UBAC2: variants seen among roughly 807,000 people sequenced by gnomAD.
The protein encoded by UBAC2 is UBA domain containing 2, also known as ubiquitin-associated domain-containing protein 2.
Under a neutral mutation model 44.0 loss-of-function variants are expected in UBAC2, and 26 were observed. The ratio of observed to expected loss-of-function variants is 0.59; its 90% CI spans 0.43 to 0.82. UBAC2 has a LOEUF of 0.82. Ranked by LOEUF, UBAC2 falls within the 40% of genes least tolerant of loss-of-function variation. UBAC2 has a pLI of 0.00. For synonymous variants in UBAC2, 155 were observed against 154.3 expected, an observed-to-expected ratio of 1.00 and a Z score of -0.04; for missense variants, 329 against 419.4, an observed-to-expected ratio of 0.78 and a Z score of 1.88.
At chr13:99,318,546 C>T (rs12867344) in intron 6 of UBAC2, among the ~76,000 whole-genome samples, 8 of 150,492 alleles carry the variant, frequency 5.3e-5, no homozygotes, top group East Asian at 2.0e-4. Flanking sequence ...CACGGCCAGG[C>T]GCAGTGACTC....
At chr13:99,210,135 G>A (rs989233933) in intron 1 of UBAC2, among the ~76,000 whole-genome samples, 1 of 152,118 alleles carries the variant, frequency 6.6e-6, no homozygotes, top group African/African-American at 2.4e-5. Flanking sequence ...AACGGTCCTA[G>A]CATTTCATTT....
At chr13:99,255,431 T>C (rs1026790669) in intron 4 of UBAC2, 14 of 1,613,988 alleles carry the variant, frequency 8.7e-6, no homozygotes, top group African/African-American at 2.7e-5. Context: ...GTCAGGGTCA[T>C]TATCCAGACT....
rs192583596 is a variant in UBAC2, at chr13:99,306,404, T to G, written c.390-7693T>G. Among the ~76,000 whole-genome samples the G allele has an allele frequency of 1.2e-3, 190 of 152,074 alleles. 1 individual carries two copies. The highest frequency in any genetic ancestry group is 3.7e-3 in the African/African-American group (153 of 41,450). Reference sequence around the variant, plus strand: ...AGCCAGATATTAGGTAACTTGTGTGTGGGGGGGCCACACAGCTTGTAAATT... The same window carrying G: ...AGCCAGATATTAGGTAACTTGTGTGGGGGGGGGCCACACAGCTTGTAAATT... On this transcript the variant is annotated intron_variant, in intron 4 of 8. Transcript: ENST00000403766.
intron 6 of UBAC2, among the ~76,000 whole-genome samples, chr13:99,320,259 T>A (rs2044550510): frequency 6.6e-6 from 1 of 152,222 alleles, no homozygotes; most frequent in African/African-American, 2.4e-5. Context: ...TAAAATTATA[T>A]GTTATGATTA....
At chr13:99,230,227 G>A (rs939577879) in intron 1 of UBAC2, among the ~76,000 whole-genome samples, 1 of 152,162 alleles carries the variant, frequency 6.6e-6, no homozygotes, top group Non-Finnish European at 1.5e-5. Flanking sequence ...ACTTTGGGAG[G>A]CTGAGGTGGG....
intron 4 of UBAC2, chr13:99,296,212 G>A: frequency 7.0e-7 from 1 of 1,421,788 alleles, no homozygotes; most frequent in Non-Finnish European, 9.4e-7. Flanking sequence ...TATGTATTCA[G>A]TTTGATTACT....
At chr13:99,233,807 A>G (rs2142715355) in intron 1 of UBAC2, among the ~76,000 whole-genome samples, 1 of 152,270 alleles carries the variant, frequency 6.6e-6, no homozygotes, top group African/African-American at 2.4e-5. Context: ...TCACGGTAAA[A>G]GGATGGGAGA....
At chr13:99,260,228 C>T (rs1030212648) in intron 4 of UBAC2, among the ~76,000 whole-genome samples, 1 of 152,200 alleles carries the variant, frequency 6.6e-6, no homozygotes, top group Non-Finnish European at 1.5e-5. Context: ...TGCAGGTTTC[C>T]TTAGCACTTG....
chr13:99,232,603 C>A (rs187113723), intron 1 of UBAC2, among the ~76,000 whole-genome samples: 1 of 151,880 alleles, frequency 6.6e-6, no homozygotes, highest in Non-Finnish European at 1.5e-5. Flanking sequence ...AAGAGAGAAA[C>A]GACAGAAATG....
At chr13:99,383,976 C>T (rs539566800) in intron 8 of UBAC2, among the ~76,000 whole-genome samples, 1 of 152,354 alleles carries the variant, frequency 6.6e-6, no homozygotes, top group African/African-American at 2.4e-5. Flanking sequence ...CAGAGTTAGC[C>T]ACTAGGCTGC....
Position 99,321,316 on chromosome 13 carries a change from C to CT in UBAC2, c.561+3253dup, listed in dbSNP as rs1318735562. On this transcript the variant is annotated intron_variant, in intron 6 of 8. Coordinates refer to ENST00000403766, the MANE Select transcript of UBAC2 (RefSeq NM_001144072.2). ...GGTTGATTTATTTTGTTTAGGCTAG[C>CT]TTTTTTGTTTTGGAGACAGGCTCGC... Among the ~76,000 whole-genome samples the CT allele has an allele frequency of 2.6e-5, 4 of 152,176 alleles. No individual in the cohort carries two copies. The East Asian group carries it at 7.7e-4, about 29-fold the overall frequency.
rs760553460 is a variant in UBAC2, at chr13:99,262,784, AT to A, written c.389+18163del. Among the ~76,000 whole-genome samples the A allele has an allele frequency of 1.1e-3, 158 of 148,528 alleles. 1 individual carries two copies. The highest frequency in any genetic ancestry group is 2.0e-3 in the Non-Finnish European group (137 of 67,108). On this transcript the variant is annotated intron_variant, in intron 4 of 8. Coordinates refer to ENST00000403766, the MANE Select transcript of UBAC2 (RefSeq NM_001144072.2). ...GGAACAAGAGATGTGTTATCAGGTTATTTAAACATAAACCTATATAATAGTG... is the reference window on the plus strand; with the variant it reads ...GGAACAAGAGATGTGTTATCAGGTTATTAAACATAAACCTATATAATAGTG...
intron 4 of UBAC2, chr13:99,255,746 C>T: frequency 1.2e-6 from 2 of 1,613,888 alleles, no homozygotes; most frequent in Admixed American, 1.7e-5. Context: ...ACCCATAATG[C>T]AGTGATGTTA....
chr13:99,303,877 C>T (rs772498130), intron 4 of UBAC2, among the ~76,000 whole-genome samples: 10 of 152,202 alleles, frequency 6.6e-5, no homozygotes, highest in Non-Finnish European at 1.2e-4. Context: ...AGGCAGGGGT[C>T]GTGAAGGCGC....
chr13:99,363,523 A>G (rs1003345281), intron 7 of UBAC2, among the ~76,000 whole-genome samples: 1 of 152,224 alleles, frequency 6.6e-6, no homozygotes. Context: ...CCGGCGGGGC[A>G]GTGTCCTGAA....
intron 8 of UBAC2, among the ~76,000 whole-genome samples, chr13:99,379,589 G>A (rs2045523935): frequency 6.6e-6 from 1 of 152,080 alleles, no homozygotes; most frequent in Admixed American, 6.5e-5. Context: ...CAACACCAAG[G>A]GATCCATCCT....
chr13:99,296,120 A>G (rs575750369), intron 4 of UBAC2: 1 of 1,602,756 alleles, frequency 6.2e-7, no homozygotes, highest in East Asian at 2.2e-5. Flanking sequence ...GGGCGGAGTA[A>G]AATTGTTTGC....
At chr13:99,383,575 G>A (rs761926425) in intron 8 of UBAC2, among the ~76,000 whole-genome samples, 1 of 152,340 alleles carries the variant, frequency 6.6e-6, no homozygotes, top group Non-Finnish European at 1.5e-5. Context: ...CCTCCCCACC[G>A]CAAGGCATTT....
chr13:99,249,247 T>C (rs2043427560), intron 4 of UBAC2, among the ~76,000 whole-genome samples: 1 of 152,124 alleles, frequency 6.6e-6, no homozygotes. Context: ...TATGTCCATG[T>C]GTACCCAGTG....
Sources: gnomAD v4.1 joint callset for allele counts (sites outside exome capture counted in the v4.1 genomes callset) on GRCh38, gnomAD v4.1.1 for gene constraint, MANE v1.5 for transcripts, NCBI Gene and HGNC (gene_info 2026-07-23, HGNC 2026-07-21) for gene names.